The following CDH8 variants were observed in gnomAD, a reference collection of about 807,000 sequenced individuals.
The protein encoded by CDH8 is cadherin-8.
A neutral mutation model predicts 68.1 loss-of-function variants in CDH8; 17 were observed. The observed-to-expected ratio is 0.25, with a 90% CI of 0.17 to 0.37. The LOEUF (loss-of-function observed/expected upper bound fraction) is 0.37, where lower values mean the gene tolerates loss of function less well. Among genes scored for constraint, CDH8 ranks in the 10% least tolerant of loss-of-function variants. CDH8 has a pLI of 1.00. For missense variants in CDH8, 763 were observed against 999.3 expected, an observed-to-expected ratio of 0.76 and a Z score of 3.19; for synonymous variants, 372 against 365.1, an observed-to-expected ratio of 1.02 and a Z score of -0.21.
At chr16:61,858,200 A>C (rs1232611033) in intron 3 of CDH8, among the ~76,000 whole-genome samples, 10 of 152,162 alleles carry the variant, frequency 6.6e-5, no homozygotes, top group Non-Finnish European at 1.5e-4. Flanking sequence ...ATGCAGTAGC[A>C]CCAATTATGG....
At chr16:61,780,736 T>C (rs559430385) in intron 8 of CDH8, among the ~76,000 whole-genome samples, 1 of 152,320 alleles carries the variant, frequency 6.6e-6, no homozygotes, top group South Asian at 2.1e-4. Context: ...ATGGGCTAAA[T>C]AATCAAATCA....
chr16:61,764,247 A>G (rs1190990467), intron 8 of CDH8, among the ~76,000 whole-genome samples: 4 of 152,128 alleles, frequency 2.6e-5, no homozygotes, highest in Non-Finnish European at 4.4e-5. Context: ...CAAAACTCCA[A>G]CAAAGATCTC....
intron 4 of CDH8, among the ~76,000 whole-genome samples, chr16:61,843,130 C>T (rs770998214): frequency 1.1e-4 from 16 of 152,056 alleles, no homozygotes; most frequent in Non-Finnish European, 2.4e-4. Context: ...TTCAGGGCTG[C>T]TCCACCAAGA....
At chr16:61,993,362 C>G (rs979039268) in intron 2 of CDH8, among the ~76,000 whole-genome samples, 1 of 152,042 alleles carries the variant, frequency 6.6e-6, no homozygotes, top group African/African-American at 2.4e-5. Flanking sequence ...CTCTTGTTGC[C>G]AGGCTGGAGT....
intron 8 of CDH8, among the ~76,000 whole-genome samples, chr16:61,744,486 A>G (rs1015513254): frequency 6.6e-6 from 1 of 152,008 alleles, no homozygotes; most frequent in African/African-American, 2.4e-5. Flanking sequence ...TTTATCTGTG[A>G]TAAGAGACAT....
chr16:61,999,811 T>G (rs1965864959), intron 2 of CDH8, among the ~76,000 whole-genome samples: 1 of 152,158 alleles, frequency 6.6e-6, no homozygotes, highest in Middle Eastern at 3.2e-3. Context: ...TTATTTTACT[T>G]TAAGTCCTGG....
chr16:61,797,615 G>A (rs184027046), intron 7 of CDH8, among the ~76,000 whole-genome samples: 4 of 152,204 alleles, frequency 2.6e-5, no homozygotes, highest in Admixed American at 6.5e-5. Flanking sequence ...TGCCCCAAAT[G>A]AGAGTATGCA....
At chr16:61,727,896 T>A (rs1959422314) in intron 8 of CDH8, among the ~76,000 whole-genome samples, 1 of 151,030 alleles carries the variant, frequency 6.6e-6, no homozygotes, top group Non-Finnish European at 1.5e-5. Context: ...CAATACATAA[T>A]CCTCAATCCC....
At chr16:61,851,073 C>T (rs1346331382) in intron 4 of CDH8, among the ~76,000 whole-genome samples, 1 of 152,020 alleles carries the variant, frequency 6.6e-6, no homozygotes, top group Non-Finnish European at 1.5e-5. Flanking sequence ...TTAGCCAGTC[C>T]TCTTGGCACT....
chr16:62,018,972 C>T (rs148825784), intron 2 of CDH8, among the ~76,000 whole-genome samples: 150 of 152,284 alleles, frequency 9.9e-4, no homozygotes, highest in Non-Finnish European at 1.3e-3. Context: ...AGCAACCCCA[C>T]GTTAATTACT....
At chr16:61,968,182 C>T (rs902611452) in intron 2 of CDH8, among the ~76,000 whole-genome samples, 1 of 152,184 alleles carries the variant, frequency 6.6e-6, no homozygotes, top group Non-Finnish European at 1.5e-5. Context: ...ATGCAAATTC[C>T]TGTGATCCAC....
At chr16:61,954,277 A>G (rs1964947958) in intron 2 of CDH8, among the ~76,000 whole-genome samples, 1 of 152,080 alleles carries the variant, frequency 6.6e-6, no homozygotes, top group Non-Finnish European at 1.5e-5. Flanking sequence ...TTTCCCAGTT[A>G]CTTGGTTCTC....
At chr16:61,945,228 C>T (rs1267714859) in intron 2 of CDH8, among the ~76,000 whole-genome samples, 1 of 152,116 alleles carries the variant, frequency 6.6e-6, no homozygotes, top group African/African-American at 2.4e-5. Flanking sequence ...ATCCATACAA[C>T]AGGGTCATTG....
At chr16:61,768,016 G>T (rs1406585848) in intron 8 of CDH8, among the ~76,000 whole-genome samples, 2 of 151,902 alleles carry the variant, frequency 1.3e-5, no homozygotes, top group Non-Finnish European at 2.9e-5. Flanking sequence ...GTACTTGGGT[G>T]ATTCTCTTCA....
intron 2 of CDH8, among the ~76,000 whole-genome samples, chr16:61,923,157 G>A (rs1964399540): frequency 6.6e-6 from 1 of 152,110 alleles, no homozygotes; most frequent in African/African-American, 2.4e-5. Flanking sequence ...CTGTATCAAT[G>A]CTGTCTTATA....
intron 10 of CDH8, among the ~76,000 whole-genome samples, chr16:61,662,087 G>GTTTTTTTTTTT: frequency 1.1e-5 from 1 of 92,790 alleles, no homozygotes. Flanking sequence ...TTTTACTTTA[G>GTTTTTTTTTTT]TTTTTTTTTT....
At chr16:62,029,541 C>T (rs1205479864) in intron 1 of CDH8, among the ~76,000 whole-genome samples, 1 of 152,178 alleles carries the variant, frequency 6.6e-6, no homozygotes, top group African/African-American at 2.4e-5. Context: ...GAACGAACCA[C>T]ATCTTTCCTT....
chr16:61,964,995 T>C (rs1965222555), intron 2 of CDH8, among the ~76,000 whole-genome samples: 1 of 152,198 alleles, frequency 6.6e-6, no homozygotes, highest in Admixed American at 6.5e-5. Context: ...ATACATCTAG[T>C]TCTTTCCTAC....
chr16:61,797,471 G>T (rs544074933), intron 7 of CDH8, among the ~76,000 whole-genome samples: 1 of 152,036 alleles, frequency 6.6e-6, no homozygotes, highest in Non-Finnish European at 1.5e-5. Context: ...CAATTTGTGC[G>T]AAACAGCTGA....
Sources: allele counts gnomAD v4.1 joint callset (sites outside exome capture counted in the v4.1 genomes callset), GRCh38; gene constraint gnomAD v4.1.1; transcripts MANE v1.5; gene names NCBI Gene and HGNC (gene_info 2026-07-23, HGNC 2026-07-21).